The following RPE65 variants were observed in gnomAD, a reference collection of about 807,000 sequenced individuals.
The protein encoded by RPE65 is retinoid isomerohydrolase.
In RPE65, 58 loss-of-function variants were observed where a neutral mutation model predicts 68.5. The observed-to-expected ratio is 0.85, with a 90% CI of 0.69 to 1.05. The LOEUF is 1.05. RPE65 is among the 50% of genes least tolerant of loss of function. The probability of loss-of-function intolerance (pLI) is 0.00; values close to 1 mark genes in which losing one functional copy is unlikely to be tolerated. For synonymous variants in RPE65, 220 were observed against 222.2 expected (o/e 0.99, Z 0.09); for missense variants, 643 against 629.9 (o/e 1.02, Z -0.22).
In RPE65 at chr1:68,449,925, C is replaced by T. The variant is rs548327539; in HGVS notation, c.-20G>A. ...AGACATTTTCTTCCAGTTCAGGATC[C>T]AGAGTTCTGGCACCAACTGCAGAAT... is the stretch of plus-strand genomic sequence containing the variant. On this transcript the variant is annotated 5_prime_UTR_variant, in exon 1 of 14. Transcript: ENST00000262340. 46 of 1,614,038 alleles carry T rather than the reference C, an allele frequency of 2.8e-5. No homozygotes were observed. The East Asian group carries it at 9.4e-4, about 33-fold the overall frequency.
intron 9 of RPE65, among the ~76,000 whole-genome samples, chr1:68,438,701 A>G (rs1297950102): frequency 6.6e-6 from 1 of 152,156 alleles, no homozygotes; most frequent in East Asian, 1.9e-4. Context: ...TTCACCTCTC[A>G]GGTCACAGAA....
intron 10 of RPE65, among the ~76,000 whole-genome samples, chr1:68,437,836 T>C (rs1279612256): frequency 6.6e-6 from 1 of 152,214 alleles, no homozygotes; most frequent in African/African-American, 2.4e-5. Flanking sequence ...AACTTCAAAT[T>C]ATTTAAACTA....
Position 68,439,542 on chromosome 1 carries a change from T to A in RPE65, c.725+19A>T. ...AAACTTGAGTTTTCCTGAAGATTCATAGCAGGCCTTCAAGTTACCTATGAA... is the reference window on the plus strand; with the variant it reads ...AAACTTGAGTTTTCCTGAAGATTCAAAGCAGGCCTTCAAGTTACCTATGAA... On this transcript the variant is annotated intron_variant, in intron 7 of 13. Transcript: ENST00000262340. 1 of 1,611,318 alleles carries A rather than the reference T, an allele frequency of 6.2e-7. No individual in the cohort carries two copies. The highest frequency in any genetic ancestry group is 8.5e-7 in the Non-Finnish European group (1 of 1,177,440).
Position 68,449,934 on chromosome 1 carries a change from G to A in RPE65, c.-29C>T, listed in dbSNP as rs1159682104. 4.3e-6 allele frequency: 7 copies of A among 1,613,804 alleles called. No individual in the cohort carries two copies. In the Admixed American group the frequency reaches 8.3e-5, roughly 19 times the overall value. ...CTTCCAGTTCAGGATCCAGAGTTCT[G>A]GCACCAACTGCAGAATGAAGAAGGA... On this transcript the variant is annotated 5_prime_UTR_variant, in exon 1 of 14. Coordinates refer to ENST00000262340, the MANE Select transcript of RPE65 (RefSeq NM_000329.3).
intron 10 of RPE65, among the ~76,000 whole-genome samples, chr1:68,434,842 T>C (rs981935500): frequency 6.6e-6 from 1 of 152,110 alleles, no homozygotes; most frequent in African/African-American, 2.4e-5. Context: ...TAGCTCACTG[T>C]AACTTTGAAC....
Position 68,428,944 on chromosome 1 carries a change from A to C in RPE65, c.*832T>G, listed in dbSNP as rs1645800784. The stretch of plus-strand genomic sequence containing the variant: ...TAATATTTTTCCCAAGTGATTGCAC[A>C]ATGCTTAAATACAATTAAACAAAAA... On this transcript the variant is annotated 3_prime_UTR_variant, in exon 14 of 14. Transcript: ENST00000262340. The C allele has an allele frequency of 6.6e-6, 1 of 152,180 alleles. No homozygotes were observed. The highest frequency in any genetic ancestry group is 6.6e-5 in the Admixed American group (1 of 15,262). The allele number at this position is 152,180 out of a possible 1,614,324, so 9.4% of individuals were successfully genotyped here. A position where few individuals can be genotyped will look rare whatever the true frequency, so the allele number is the denominator to read the frequency against.
At position 68,429,683 on chromosome 1, in the gene RPE65, A is replaced by G. The variant is rs1284433785; in HGVS notation, c.*93T>C. ...CGCATCTGCAAGTTAAAACCATGAC[A>G]TATAGCAGGCTAAAATTGAACAGAA... is the stretch of plus-strand genomic sequence containing the variant. On this transcript the variant is annotated 3_prime_UTR_variant, in exon 14 of 14. Coordinates refer to ENST00000262340, the MANE Select transcript of RPE65 (RefSeq NM_000329.3). 6.6e-7 allele frequency: 1 copy of G among 1,516,172 alleles called. No homozygotes were observed. Among genetic ancestry groups the G allele is most frequent in the Non-Finnish European group, 9.1e-7 (1 of 1,100,680 alleles). The allele number at this position is 1,516,172 out of a possible 1,614,324, so 93.9% of individuals were successfully genotyped here.
At chr1:68,446,581 A>G in intron 3 of RPE65, 129 bp downstream of exon 3, 1 of 1,029,292 alleles carries the variant, frequency 9.7e-7, no homozygotes, top group Non-Finnish European at 1.5e-6. Flanking sequence ...ACACTGGCCC[A>G]GGTACATTGT....
intron 5 of RPE65, 70 bp from the exon 6 acceptor site, chr1:68,441,070 G>A (rs975301916): frequency 9.6e-6 from 15 of 1,563,392 alleles, no homozygotes; most frequent in Non-Finnish European, 1.3e-5. Context: ...CCCTAGGTCT[G>A]AGGTCATCAC....
intron 3 of RPE65, among the ~76,000 whole-genome samples, chr1:68,446,259 A>G (rs1645942110): frequency 6.6e-6 from 1 of 152,136 alleles, no homozygotes; most frequent in Admixed American, 6.5e-5. Context: ...AGAAAAAGGA[A>G]TCAAGATGGC....
chr1:68,438,919 A>G (rs369751280), intron 9 of RPE65, 23 bp downstream of exon 9: 1 of 1,613,954 alleles, frequency 6.2e-7, no homozygotes, highest in Admixed American at 1.7e-5. Context: ...GAGGTGTCCC[A>G]TTTGTCCAGT....
chr1:68,444,904 G>T lies in RPE65; in HGVS notation c.246-21C>A, dbSNP rs995298889. On this transcript the variant is annotated intron_variant, in intron 3 of 13. Coordinates refer to ENST00000262340, the MANE Select transcript of RPE65 (RefSeq NM_000329.3). ...TGAACCTGAAGGACATTGAAACATA[G>T]GGAAGAGTATAGACAGGAGCAATCC... 3.7e-6 allele frequency: 6 copies of T among 1,608,880 alleles called. No homozygotes were observed. The East Asian group carries it at 1.3e-4, about 36-fold the overall frequency.
intron 2 of RPE65, among the ~76,000 whole-genome samples, chr1:68,447,682 T>C (rs990402754): frequency 6.6e-6 from 1 of 152,056 alleles, no homozygotes; most frequent in Non-Finnish European, 1.5e-5. Flanking sequence ...ACCCCGTCTC[T>C]ACTAAAAATA....
intron 4 of RPE65, 45 bp downstream of exon 4, chr1:68,444,731 C>T: frequency 6.2e-7 from 1 of 1,613,530 alleles, no homozygotes. Context: ...AGAAAAAGGG[C>T]TAATATAAAA....
chr1:68,444,831 T>C lies in RPE65; in HGVS notation c.298A>G (p.Ile100Val). 7 of 1,614,128 alleles carry C rather than the reference T, an allele frequency of 4.3e-6. No individual in the cohort carries two copies. The highest frequency in any genetic ancestry group is 4.2e-6 in the Non-Finnish European group (5 of 1,180,026). The change falls in exon 4 of 14, where the codon ATA (isoleucine) becomes GTA (valine). Residue 100 changes from isoleucine to valine, a missense_variant. By Grantham distance (29) the Ile-to-Val change is conservative. Coordinates refer to ENST00000262340, the MANE Select transcript of RPE65 (RefSeq NM_000329.3). ...AAAGCACAGGTGCCAAATTCTGTTATGACGATCCTTTTCTCAGTCATTGCC... is the reference window on the plus strand; with the variant it reads ...AAAGCACAGGTGCCAAATTCTGTTACGACGATCCTTTTCTCAGTCATTGCC... ...VRAMTEKRIV[I>V]TEFGTCAFPD...
intron 7 of RPE65, 79 bp from the exon 8 acceptor site, chr1:68,439,402 G>A: frequency 3.1e-6 from 5 of 1,592,860 alleles, no homozygotes; most frequent in Non-Finnish European, 4.3e-6. Context: ...TATGTGGTAT[G>A]CTCAGTTACA....
Position 68,444,817 on chromosome 1 carries a change from GCCAAATTCTGTTATGACGAT to G in RPE65, c.292_311del (p.Ile98HisfsTer26), listed in dbSNP as rs62642583. ...TGCAGGGATCTGGGAAAGCACAGGT[GCCAAATTCTGTTATGACGAT>G]CCTTTTCTCAGTCATTGCCCGTACG... is the stretch of plus-strand genomic sequence containing the variant. On this transcript the variant is annotated frameshift_variant, in exon 4 of 14. Transcript: ENST00000262340. LOFTEE classifies it high-confidence loss of function. 32 of 1,614,044 alleles carry G rather than the reference GCCAAATTCTGTTATGACGAT, an allele frequency of 2.0e-5. No individual in the cohort carries two copies. The Admixed American group carries it at 5.0e-4, about 25-fold the overall frequency.
At chr1:68,431,641 A>C in intron 10 of RPE65, 56 bp from the exon 11 acceptor site, 1 of 1,436,708 alleles carries the variant, frequency 7.0e-7, no homozygotes, top group Non-Finnish European at 9.8e-7. Flanking sequence ...AAACAGCCAG[A>C]AATGCAGAGT....
intron 3 of RPE65, 40 bp downstream of exon 3, chr1:68,446,670 C>A: frequency 6.2e-7 from 1 of 1,613,830 alleles, no homozygotes; most frequent in Admixed American, 1.7e-5. Context: ...AAGCTAGGCC[C>A]TACTTTGAGG....
Sources: allele counts gnomAD v4.1 joint callset (sites outside exome capture counted in the v4.1 genomes callset), GRCh38; gene constraint gnomAD v4.1.1; transcripts MANE v1.5; gene names NCBI Gene and HGNC (gene_info 2026-07-23, HGNC 2026-07-21).